The following ZFPM2 variants were observed in gnomAD, a reference collection of about 807,000 sequenced individuals.
ZFPM2 encodes zinc finger protein ZFPM2.
In ZFPM2, 20 loss-of-function variants were observed where a neutral mutation model predicts 98.6. The ratio of observed to expected loss-of-function variants is 0.20; its 90% CI spans 0.14 to 0.29. ZFPM2 has a LOEUF of 0.29. ZFPM2 is among the 10% of genes least tolerant of loss of function. ZFPM2 has a pLI of 1.00. For missense variants in ZFPM2, 1,310 were observed against 1,388.6 expected (o/e 0.94, Z 0.90); for synonymous variants, 518 against 502.7 (o/e 1.03, Z -0.41).
chr8:105,330,597 T>TATATATATACAC, intron 1 of ZFPM2, among the ~76,000 whole-genome samples: 1 of 71,474 alleles, frequency 1.4e-5, no homozygotes, highest in African/African-American at 5.3e-5. Context: ...TATATATACA[T>TATATATATACAC]ATATATATAT....
intron 5 of ZFPM2, among the ~76,000 whole-genome samples, chr8:105,701,826 C>G (rs1811148328): frequency 6.6e-6 from 1 of 152,042 alleles, no homozygotes; most frequent in Non-Finnish European, 1.5e-5. Flanking sequence ...ATTTTTTAAG[C>G]CAGGGGAATT....
intron 4 of ZFPM2, 90 bp from the exon 5 acceptor site, chr8:105,634,156 T>G: frequency 1.0e-6 from 1 of 953,558 alleles, no homozygotes; most frequent in Non-Finnish European, 1.6e-6. Context: ...ATTTAGTTGT[T>G]TGTAAAAATA....
intron 1 of ZFPM2, among the ~76,000 whole-genome samples, chr8:105,332,141 C>G (rs1454881919): frequency 6.6e-6 from 1 of 151,734 alleles, no homozygotes; most frequent in Admixed American, 6.6e-5. Context: ...TCCTAGATTT[C>G]CGTATGGCTG....
intron 5 of ZFPM2, among the ~76,000 whole-genome samples, chr8:105,770,890 C>G (rs1812964905): frequency 6.6e-6 from 1 of 152,110 alleles, no homozygotes; most frequent in African/African-American, 2.4e-5. Flanking sequence ...ATATCACCCA[C>G]TAAGAAAGGC....
chr8:105,480,040 C>A (rs923555930), intron 3 of ZFPM2, among the ~76,000 whole-genome samples: 2 of 152,168 alleles, frequency 1.3e-5, no homozygotes, highest in Admixed American at 1.3e-4. Flanking sequence ...TAACCACTAG[C>A]TGTAAGCTCA....
At chr8:105,771,520 A>T (rs1812977687) in intron 5 of ZFPM2, among the ~76,000 whole-genome samples, 1 of 152,214 alleles carries the variant, frequency 6.6e-6, no homozygotes, top group Non-Finnish European at 1.5e-5. Flanking sequence ...CCTTTTGTGC[A>T]AATTAATGCA....
intron 3 of ZFPM2, among the ~76,000 whole-genome samples, chr8:105,539,000 T>G (rs964312601): frequency 6.6e-6 from 1 of 152,016 alleles, no homozygotes; most frequent in Non-Finnish European, 1.5e-5. Flanking sequence ...GCCTAGGCAA[T>G]AGAGCAAGAC....
At chr8:105,483,976 C>T (rs1383492961) in intron 3 of ZFPM2, among the ~76,000 whole-genome samples, 7 of 151,898 alleles carry the variant, frequency 4.6e-5, no homozygotes, top group East Asian at 1.9e-4. Flanking sequence ...CCCCATGATC[C>T]GCCCACCTCA....
At chr8:105,667,600 T>C (rs1446269768) in intron 5 of ZFPM2, among the ~76,000 whole-genome samples, 1 of 152,184 alleles carries the variant, frequency 6.6e-6, no homozygotes, top group African/African-American at 2.4e-5. Flanking sequence ...ATTAAAGTAC[T>C]CTCTTCTTTC....
chr8:105,469,618 A>C (rs906981533), intron 3 of ZFPM2, among the ~76,000 whole-genome samples: 1 of 152,184 alleles, frequency 6.6e-6, no homozygotes, highest in African/African-American at 2.4e-5. Context: ...CAAGTCCCTT[A>C]ATCTTTATGT....
intron 3 of ZFPM2, among the ~76,000 whole-genome samples, chr8:105,511,941 T>G (rs567689735): frequency 1.3e-5 from 2 of 151,430 alleles, no homozygotes; most frequent in South Asian, 4.2e-4. Context: ...AGGCCAGGAG[T>G]TCAAGACCTG....
chr8:105,546,721 T>G (rs1814713402), intron 3 of ZFPM2, among the ~76,000 whole-genome samples: 1 of 152,128 alleles, frequency 6.6e-6, no homozygotes, highest in South Asian at 2.1e-4. Context: ...GAAATTAAAT[T>G]GATTCCACGG....
At chr8:105,669,341 C>T (rs550208675) in intron 5 of ZFPM2, among the ~76,000 whole-genome samples, 75 of 151,766 alleles carry the variant, frequency 4.9e-4, no homozygotes, top group Non-Finnish European at 8.8e-4. Context: ...TTAATTTTGC[C>T]TCATGTCCTG....
chr8:105,460,867 A>G (rs1812692359), intron 3 of ZFPM2, among the ~76,000 whole-genome samples: 1 of 152,054 alleles, frequency 6.6e-6, no homozygotes, highest in Non-Finnish European at 1.5e-5. Context: ...ATTATTTTAT[A>G]TTCTATATTA....
At chr8:105,432,248 C>T (rs1239453340) in intron 2 of ZFPM2, among the ~76,000 whole-genome samples, 1 of 151,900 alleles carries the variant, frequency 6.6e-6, no homozygotes. Context: ...GAAGATAATT[C>T]CAGTGATCAA....
At chr8:105,629,178 C>G (rs1037839086) in intron 4 of ZFPM2, among the ~76,000 whole-genome samples, 4 of 152,202 alleles carry the variant, frequency 2.6e-5, no homozygotes, top group African/African-American at 9.6e-5. Flanking sequence ...AAGCGGCTGA[C>G]TGGTTCCAGT....
chr8:105,589,451 C>CA (rs1345869354), intron 4 of ZFPM2, among the ~76,000 whole-genome samples: 3 of 151,914 alleles, frequency 2.0e-5, no homozygotes, highest in Admixed American at 1.3e-4. Flanking sequence ...CAACAAAGCT[C>CA]AAAAAACGAA....
intron 5 of ZFPM2, among the ~76,000 whole-genome samples, chr8:105,656,000 TTGTGGGCC>T (rs1160831163): frequency 1.3e-5 from 2 of 152,132 alleles, no homozygotes; most frequent in Non-Finnish European, 2.9e-5. Flanking sequence ...CAGCCATTTA[TTGTGGGCC>T]TACTGATACA....
chr8:105,450,282 AT>A (rs1369482575), intron 3 of ZFPM2, among the ~76,000 whole-genome samples: 1 of 152,160 alleles, frequency 6.6e-6, no homozygotes, highest in African/African-American at 2.4e-5. Context: ...CACATACTTA[AT>A]GATACAGCTT....
Sources: gnomAD v4.1 joint callset for allele counts (sites outside exome capture counted in the v4.1 genomes callset) on GRCh38, gnomAD v4.1.1 for gene constraint, MANE v1.5 for transcripts, NCBI Gene and HGNC (gene_info 2026-07-23, HGNC 2026-07-21) for gene names.